Variants in PUM1 observed in about 807,000 individuals in gnomAD.
PUM1 encodes pumilio RNA binding family member 1, also known as pumilio homolog 1.
A neutral mutation model predicts 131.8 loss-of-function variants in PUM1; 13 were observed. That is an observed-to-expected ratio of 0.10 (90% CI 0.06 to 0.16). The LOEUF is 0.16. PUM1 is among the 10% of genes least tolerant of loss of function. The probability of loss-of-function intolerance (pLI) is 1.00; values close to 1 mark genes in which losing one functional copy is unlikely to be tolerated. For missense variants in PUM1, 961 were observed against 1,512.4 expected (o/e 0.64, Z 6.05); for synonymous variants, 509 against 556.5 (o/e 0.91, Z 1.20).
intron 2 of PUM1, among the ~76,000 whole-genome samples, chr1:31,048,293 ATTACT>A (rs952502731): frequency 6.6e-6 from 1 of 151,598 alleles, no homozygotes; most frequent in African/African-American, 2.4e-5. Flanking sequence ...AAAAAATCTT[ATTACT>A]TTACAGTTTA....
intron 10 of PUM1, among the ~76,000 whole-genome samples, chr1:30,972,729 T>TTG: frequency 7.0e-6 from 1 of 143,852 alleles, no homozygotes; most frequent in Non-Finnish European, 1.5e-5. Context: ...AGCCAAGAGC[T>TTG]CACTGCACTC....
chr1:30,997,276 G>C (rs1272547612), intron 5 of PUM1, among the ~76,000 whole-genome samples: 1 of 152,116 alleles, frequency 6.6e-6, no homozygotes, highest in Non-Finnish European at 1.5e-5. Flanking sequence ...CACTTTGGAA[G>C]GGCAAGGCAG....
chr1:30,996,843 A>T (rs551729177), intron 5 of PUM1, among the ~76,000 whole-genome samples: 71 of 152,266 alleles, frequency 4.7e-4, no homozygotes, highest in Non-Finnish European at 9.0e-4. Context: ...CTGCAGAGGC[A>T]AAACTGACTA....
chr1:31,021,662 ATC>A (rs1370075032), intron 3 of PUM1, among the ~76,000 whole-genome samples: 90 of 152,170 alleles, frequency 5.9e-4, no homozygotes, highest in Non-Finnish European at 1.1e-3. Context: ...AGCCCAGACC[ATC>A]TGGGTATCAT....
intron 21 of PUM1, among the ~76,000 whole-genome samples, chr1:30,933,644 T>C (rs1475287241): frequency 6.6e-6 from 1 of 152,056 alleles, no homozygotes; most frequent in East Asian, 1.9e-4. Flanking sequence ...GGACAACACA[T>C]GGAGAAAGTG....
intron 13 of PUM1, among the ~76,000 whole-genome samples, chr1:30,965,774 TA>T (rs1481986509): frequency 2.0e-5 from 3 of 152,186 alleles, no homozygotes; most frequent in African/African-American, 7.2e-5. Context: ...ACTGATTAAG[TA>T]AGTAGCCACA....
chr1:31,025,807 C>T (rs1352667309), intron 3 of PUM1, among the ~76,000 whole-genome samples: 2 of 152,042 alleles, frequency 1.3e-5, no homozygotes, highest in East Asian at 3.9e-4. Context: ...CTGCCCACCT[C>T]GGCCTCCCAA....
rs11341741 is a variant in PUM1 at position 31,001,371 on chromosome 1, C to CA, written c.720+4481dup. Among the ~76,000 whole-genome samples the CA allele has an allele frequency of 8.5e-3, 1,224 of 144,204 alleles. 15 individuals are homozygous for CA. The highest frequency in any genetic ancestry group is 0.027 in the African/African-American group (1,091 of 39,998). The allele number at this position is 144,204 out of a possible 152,430, so 94.6% of individuals were successfully genotyped here. On this transcript the variant is annotated intron_variant, in intron 5 of 21. Transcript: ENST00000426105. ...AGAAAGAGACAGAAAGAGATTGTCT[C>CA]AAAAAAAAAAAATTCAAATATTAAA... is the stretch of plus-strand genomic sequence containing the variant.
chr1:30,952,120 C>T (rs1639959778), intron 16 of PUM1, 114 bp downstream of exon 16: 1 of 1,007,146 alleles, frequency 9.9e-7, no homozygotes, highest in East Asian at 2.5e-5. Flanking sequence ...AAAAAGACCA[C>T]ACACCCTTCA....
At chr1:30,979,477 G>T (rs1260226168) in intron 9 of PUM1, among the ~76,000 whole-genome samples, 1 of 152,136 alleles carries the variant, frequency 6.6e-6, no homozygotes, top group East Asian at 1.9e-4. Context: ...TTATCTGGAA[G>T]CTCCTTAAAA....
At chr1:30,967,959 CG>C (rs1640692423) in intron 11 of PUM1, among the ~76,000 whole-genome samples, 1 of 152,150 alleles carries the variant, frequency 6.6e-6, no homozygotes, top group African/African-American at 2.4e-5. Flanking sequence ...ACCTTAAAAA[CG>C]TAAGGGATGA....
Position 30,944,289 on chromosome 1 carries a change from T to C in PUM1, c.2994+1057A>G, listed in dbSNP as rs1461227842. Among the ~76,000 whole-genome samples the C allele has an allele frequency of 2.6e-5, 4 of 152,182 alleles. No individual in the cohort carries two copies. In the South Asian group the frequency reaches 8.3e-4, roughly 31 times the overall value. On this transcript the variant is annotated intron_variant, in intron 18 of 21. Coordinates refer to ENST00000426105, the MANE Select transcript of PUM1 (RefSeq NM_001020658.2). Reference sequence around the variant, plus strand: ...AAAATCTATGTGCTTTTTCTCATTTTTCCCCCTTCCCTAAAGAAAGACCAA... The same window carrying C: ...AAAATCTATGTGCTTTTTCTCATTTCTCCCCCTTCCCTAAAGAAAGACCAA...
intron 7 of PUM1, among the ~76,000 whole-genome samples, chr1:30,987,811 T>A: frequency 6.6e-6 from 1 of 152,234 alleles, no homozygotes; most frequent in Middle Eastern, 3.2e-3. Context: ...AAATTTAGCA[T>A]GTTCTTCAAT....
intron 1 of PUM1, among the ~76,000 whole-genome samples, chr1:31,060,864 C>T (rs1289105865): frequency 6.7e-6 from 1 of 148,806 alleles, no homozygotes; most frequent in Non-Finnish European, 1.5e-5. Flanking sequence ...CCAGCCTGGG[C>T]GACAAATCGA....
At chr1:31,046,571 G>C (rs190907899) in intron 2 of PUM1, among the ~76,000 whole-genome samples, 1 of 144,338 alleles carries the variant, frequency 6.9e-6, no homozygotes, top group African/African-American at 2.6e-5. Flanking sequence ...GCAGTGGCGC[G>C]ATCTTGGCTG....
At position 30,945,822 on chromosome 1, in the gene PUM1, G is replaced by T. The variant is rs1430879992; in HGVS notation, c.2857-339C>A. On this transcript the variant is annotated intron_variant, in intron 17 of 21. Transcript: ENST00000426105. Reference sequence around the variant, plus strand: ...TTTTTTTGAGACGGAGTCTTGCTCTGTTACCCAGGCTAGAGTACAGTGGTA... The same window carrying T: ...TTTTTTTGAGACGGAGTCTTGCTCTTTTACCCAGGCTAGAGTACAGTGGTA... Among the ~76,000 whole-genome samples, 795 of 152,266 alleles carry T rather than the reference G, an allele frequency of 5.2e-3. 5 individuals carry two copies. Among genetic ancestry groups the T allele is most frequent in the African/African-American group, 0.018 (734 of 41,550 alleles).
At chr1:30,978,353 T>C (rs1211489316) in intron 9 of PUM1, among the ~76,000 whole-genome samples, 1 of 152,344 alleles carries the variant, frequency 6.6e-6, no homozygotes, top group Non-Finnish European at 1.5e-5. Flanking sequence ...TTCAGGACAA[T>C]GCCTGACAAA....
intron 3 of PUM1, among the ~76,000 whole-genome samples, chr1:31,020,348 T>A (rs1642977510): frequency 6.6e-6 from 1 of 152,254 alleles, no homozygotes; most frequent in Non-Finnish European, 1.5e-5. Context: ...TGAATAGTGC[T>A]GCAATAAACA....
chr1:30,933,911 C>A (rs1331843457), intron 21 of PUM1, among the ~76,000 whole-genome samples: 1 of 152,198 alleles, frequency 6.6e-6, no homozygotes, highest in Non-Finnish European at 1.5e-5. Context: ...CCCCATCTTA[C>A]TGACAGAAAA....
Sources: allele counts gnomAD v4.1 joint callset (sites outside exome capture counted in the v4.1 genomes callset), GRCh38; gene constraint gnomAD v4.1.1; transcripts MANE v1.5; gene names NCBI Gene and HGNC (gene_info 2026-07-23, HGNC 2026-07-21).